The following PLCB1 variants were observed in gnomAD, a reference collection of about 807,000 sequenced individuals.
PLCB1 encodes 1-phosphatidylinositol 4,5-bisphosphate phosphodiesterase beta-1.
A neutral mutation model predicts 161.8 loss-of-function variants in PLCB1; 46 were observed. The ratio of observed to expected loss-of-function variants is 0.28; its 90% CI spans 0.22 to 0.36. The LOEUF is 0.36. Ranked by LOEUF, PLCB1 falls within the 10% of genes least tolerant of loss-of-function variation. The pLI is 1.00. For missense variants in PLCB1, 1,016 were observed against 1,472.5 expected, an observed-to-expected ratio of 0.69 and a Z score of 5.07; for synonymous variants, 517 against 503.7, an observed-to-expected ratio of 1.03 and a Z score of -0.35.
chr20:8,256,753 A>G (rs1981442529), intron 2 of PLCB1: 1 of 152,132 alleles, frequency 6.6e-6, no homozygotes, highest in African/African-American at 2.4e-5. Flanking sequence ...GAAATCCTTC[A>G]GTCAAGTTTC....
In PLCB1 at chr20:8,717,798, A is replaced by G. The variant is rs770501311; in HGVS notation, c.1463A>G (p.Asn488Ser). Residue 488 changes from asparagine (N) to serine (S), a missense_variant, in exon 14 of 32, where the codon AAC (asparagine) becomes AGC (serine). Asn to Ser is a conservative substitution (Grantham distance 46). This residue lies in a region of PLCB1 where 109 missense variants were observed against 129.7 expected (regional missense o/e 0.84). Coordinates refer to ENST00000338037, the MANE Select transcript of PLCB1 (RefSeq NM_015192.4). ...AAGAAGCTCTCAGAACAAGCCTCCAACACCTACAGTGACTCCTCCAGCATG... is the reference window on the plus strand; with the variant it reads ...AAGAAGCTCTCAGAACAAGCCTCCAGCACCTACAGTGACTCCTCCAGCATG... ...GKKKLSEQAS[N>S]TYSDSSSMFE... 3 of 1,613,954 alleles carry G rather than the reference A, an allele frequency of 1.9e-6. No homozygotes were observed. The highest frequency in any genetic ancestry group is 2.2e-5 in the East Asian group (1 of 44,870).
chr20:8,298,046 A>G (rs1242698400), intron 2 of PLCB1, among the ~76,000 whole-genome samples: 1 of 62,046 alleles, frequency 1.6e-5, no homozygotes, highest in Non-Finnish European at 3.0e-5. Context: ...CTGTAATCCC[A>G]ACACTCTGGG....
chr20:8,824,519 G>A (rs1440547845), intron 31 of PLCB1, among the ~76,000 whole-genome samples: 8 of 152,138 alleles, frequency 5.3e-5, no homozygotes, highest in Admixed American at 5.2e-4. Context: ...GCAGGAAGTG[G>A]ATGAGAAAGA....
intron 3 of PLCB1, among the ~76,000 whole-genome samples, chr20:8,377,498 C>G (rs1410914669): frequency 6.6e-6 from 1 of 152,098 alleles, no homozygotes; most frequent in Non-Finnish European, 1.5e-5. Context: ...TGGGAGTAAA[C>G]TACAAAAGAG....
chr20:8,858,480 A>G (rs1987141160), intron 31 of PLCB1, among the ~76,000 whole-genome samples: 1 of 152,224 alleles, frequency 6.6e-6, no homozygotes, highest in Non-Finnish European at 1.5e-5. Flanking sequence ...CTAGAATAAC[A>G]CAAAAATCAT....
chr20:8,191,209 G>A (rs1173271514), intron 2 of PLCB1, among the ~76,000 whole-genome samples: 1 of 151,198 alleles, frequency 6.6e-6, no homozygotes, highest in African/African-American at 2.4e-5. Context: ...GTTTTGATAC[G>A]GGCATACAAT....
At chr20:8,832,653 TAGG>T (rs1408354557) in intron 31 of PLCB1, among the ~76,000 whole-genome samples, 1 of 152,156 alleles carries the variant, frequency 6.6e-6, no homozygotes, top group Non-Finnish European at 1.5e-5. Context: ...ATCATAAGAT[TAGG>T]AGAAGTGAGA....
chr20:8,737,158 C>G lies in PLCB1; in HGVS notation c.2174C>G (p.Pro725Arg). 1 of 1,613,772 alleles carries G rather than the reference C, an allele frequency of 6.2e-7. No individual in the cohort carries two copies. Among genetic ancestry groups the G allele is most frequent in the Non-Finnish European group, 8.5e-7 (1 of 1,179,814 alleles). ...ACATCCCAAGGAAATGCTGTGAATC[C>G]TGTCTGGGAAGAAGAACCTATTGTG... ...TKTSQGNAVN[P>R]VWEEEPIVFK... Residue 725 changes from proline (P) to arginine (R), a missense_variant, in exon 20 of 32, where the codon CCT (proline) becomes CGT (arginine). Physicochemically the swap from Pro to Arg is moderately radical, Grantham distance 103. Coordinates refer to ENST00000338037, the MANE Select transcript of PLCB1 (RefSeq NM_015192.4).
chr20:8,545,142 T>A (rs945263993), intron 3 of PLCB1, among the ~76,000 whole-genome samples: 9 of 152,304 alleles, frequency 5.9e-5, no homozygotes, highest in African/African-American at 2.2e-4. Flanking sequence ...GGGGGAAAAA[T>A]AAACACTTGT....
intron 31 of PLCB1, among the ~76,000 whole-genome samples, chr20:8,832,503 G>A (rs377166259): frequency 5.9e-5 from 9 of 152,174 alleles, no homozygotes; most frequent in African/African-American, 1.9e-4. Context: ...GGATCTCTTC[G>A]CATGTCCTTG....
intron 31 of PLCB1, among the ~76,000 whole-genome samples, chr20:8,847,650 G>A (rs1986735364): frequency 1.3e-5 from 2 of 152,298 alleles, no homozygotes; most frequent in Non-Finnish European, 1.5e-5. Flanking sequence ...TCAGGTGCCA[G>A]TTGCAAGACT....
At chr20:8,832,830 A>T (rs1467033278) in intron 31 of PLCB1, among the ~76,000 whole-genome samples, 2 of 152,180 alleles carry the variant, frequency 1.3e-5, no homozygotes, top group Admixed American at 6.5e-5. Context: ...GTCCTTAGGG[A>T]ACCCTGCGAG....
At chr20:8,417,164 A>G (rs1210417608) in intron 3 of PLCB1, among the ~76,000 whole-genome samples, 2 of 129,898 alleles carry the variant, frequency 1.5e-5, no homozygotes, top group Non-Finnish European at 3.1e-5. Flanking sequence ...TCGGCTCACC[A>G]CAAGCTCCGC....
intron 2 of PLCB1, among the ~76,000 whole-genome samples, chr20:8,207,087 A>T (rs1978573499): frequency 1.0e-5 from 1 of 96,056 alleles, no homozygotes; most frequent in Admixed American, 8.9e-5. Flanking sequence ...ATGTTGCATT[A>T]TAGTGTTGGT....
At chr20:8,820,261 A>T (rs549950547) in intron 31 of PLCB1, among the ~76,000 whole-genome samples, 3 of 149,224 alleles carry the variant, frequency 2.0e-5, no homozygotes, top group African/African-American at 7.3e-5. Flanking sequence ...ACATAGTATT[A>T]TATTATTATA....
intron 11 of PLCB1, among the ~76,000 whole-genome samples, chr20:8,703,336 C>T (rs540896758): frequency 1.3e-5 from 2 of 152,246 alleles, no homozygotes; most frequent in East Asian, 3.9e-4. Flanking sequence ...TCATAAAAGC[C>T]AAATGTTAGC....
Position 8,739,294 on chromosome 20 carries a change from G to C in PLCB1, c.2242G>C (p.Ala748Pro). 6.2e-7 allele frequency: 1 copy of C among 1,613,876 alleles called. No homozygotes were observed. Among genetic ancestry groups the C allele is most frequent in the Non-Finnish European group, 8.5e-7 (1 of 1,179,724 alleles). ...VLPTLACLRI[A>P]VYEEGGKFIG... ...TCCTACTCTGGCCTGTTTGAGAATA[G>C]CAGTTTATGAAGAAGGAGGTAAATT... Residue 748 changes from alanine (A) to proline (P), a missense_variant, in exon 21 of 32, where the codon GCA (alanine) becomes CCA (proline). Coordinates refer to ENST00000338037, the MANE Select transcript of PLCB1 (RefSeq NM_015192.4).
chr20:8,789,468 G>A (rs773334646), intron 29 of PLCB1, 50 bp from the exon 30 acceptor site: 7 of 1,193,340 alleles, frequency 5.9e-6, no homozygotes, highest in Middle Eastern at 1.9e-4. Context: ...ATTACCATTT[G>A]TCAATTCTGG....
intron 31 of PLCB1, among the ~76,000 whole-genome samples, chr20:8,858,820 A>G (rs572829782): frequency 1.3e-5 from 2 of 151,932 alleles, no homozygotes; most frequent in Non-Finnish European, 2.9e-5. Flanking sequence ...ATCTTGTTTT[A>G]AAAAGGGGTT....
Sources: allele counts gnomAD v4.1 joint callset (sites outside exome capture counted in the v4.1 genomes callset), GRCh38; gene constraint gnomAD v4.1.1; regional missense constraint gnomAD v4.1.1; transcripts MANE v1.5; gene names NCBI Gene and HGNC (gene_info 2026-07-23, HGNC 2026-07-21).